Variants in CA10 observed in about 807,000 individuals in gnomAD.
CA10 encodes carbonic anhydrase 10 (inactive).
In CA10, 14 loss-of-function variants were observed where a neutral mutation model predicts 44.2. The observed-to-expected ratio is 0.32, with a 90% confidence interval of 0.21 to 0.50. CA10 has a LOEUF of 0.50. CA10 is among the 20% of genes least tolerant of loss of function. The pLI is 0.99. For missense variants in CA10, 350 were observed against 409.7 expected, an observed-to-expected ratio of 0.85 and a Z score of 1.26; for synonymous variants, 159 against 141.6, an observed-to-expected ratio of 1.12 and a Z score of -0.87.
chr17:52,021,485 T>C (rs1287637479), intron 2 of CA10, among the ~76,000 whole-genome samples: 1 of 152,102 alleles, frequency 6.6e-6, no homozygotes. Context: ...ATTTTTCTTT[T>C]TTTAATAGCC....
chr17:51,831,699 G>GCAT (rs1409883505), intron 3 of CA10, among the ~76,000 whole-genome samples: 4 of 66,208 alleles, frequency 6.0e-5, no homozygotes, highest in African/African-American at 3.0e-4. Context: ...AGCAGCAGCA[G>GCAT]CAGCAGCAGC....
chr17:51,798,063 A>G (rs1906784888), intron 3 of CA10, among the ~76,000 whole-genome samples: 1 of 152,180 alleles, frequency 6.6e-6, no homozygotes, highest in South Asian at 2.1e-4. Flanking sequence ...CTACGAGACT[A>G]GAAATAAATG....
At chr17:51,986,707 T>C (rs892947430) in intron 2 of CA10, among the ~76,000 whole-genome samples, 2 of 151,370 alleles carry the variant, frequency 1.3e-5, no homozygotes, top group African/African-American at 4.9e-5. Context: ...TGGACATGAG[T>C]AGACAATTCT....
chr17:51,830,213 A>AC (rs1185128904), intron 3 of CA10, among the ~76,000 whole-genome samples: 1 of 149,710 alleles, frequency 6.7e-6, no homozygotes. Context: ...AAAAAAAAAA[A>AC]AAAGAAAAAG....
chr17:52,030,279 A>T (rs1364156293), intron 2 of CA10, among the ~76,000 whole-genome samples: 1 of 152,240 alleles, frequency 6.6e-6, no homozygotes, highest in Non-Finnish European at 1.5e-5. Flanking sequence ...TTTAAAGATC[A>T]TGCCGTAGGG....
chr17:51,892,486 G>T (rs1229481828), intron 3 of CA10, among the ~76,000 whole-genome samples: 1 of 152,180 alleles, frequency 6.6e-6, no homozygotes, highest in Non-Finnish European at 1.5e-5. Context: ...CATTTCTCTT[G>T]CCAATGGTGT....
At chr17:51,857,796 A>C (rs1451196566) in intron 3 of CA10, among the ~76,000 whole-genome samples, 1 of 152,142 alleles carries the variant, frequency 6.6e-6, no homozygotes, top group Non-Finnish European at 1.5e-5. Context: ...TGCTTTCATA[A>C]TTTTATGATT....
intron 2 of CA10, among the ~76,000 whole-genome samples, chr17:51,940,735 G>C (rs1269103314): frequency 6.6e-6 from 1 of 150,570 alleles, no homozygotes; most frequent in African/African-American, 2.4e-5. Context: ...AACTCAGGTT[G>C]TTCTGGCTCC....
At chr17:51,913,840 G>A (rs1406375820) in intron 3 of CA10, among the ~76,000 whole-genome samples, 3 of 152,124 alleles carry the variant, frequency 2.0e-5, no homozygotes, top group African/African-American at 7.2e-5. Context: ...CTTGGGAACT[G>A]AGGGTCACCC....
chr17:52,137,802 C>T (rs1301835122), intron 1 of CA10, among the ~76,000 whole-genome samples: 1 of 152,142 alleles, frequency 6.6e-6, no homozygotes. Context: ...TTTACCCAAC[C>T]TAGCTTTAGG....
At chr17:51,827,597 G>A (rs1467446474) in intron 3 of CA10, among the ~76,000 whole-genome samples, 1 of 152,168 alleles carries the variant, frequency 6.6e-6, no homozygotes, top group Non-Finnish European at 1.5e-5. Flanking sequence ...AGCATACACA[G>A]TGTCTATATA....
intron 1 of CA10, among the ~76,000 whole-genome samples, chr17:52,132,005 T>G (rs1221611287): frequency 6.6e-6 from 1 of 151,062 alleles, no homozygotes; most frequent in Non-Finnish European, 1.5e-5. Context: ...TTCTGGGGAC[T>G]GTTGTGGGGT....
chr17:52,052,986 T>C (rs1181393105), intron 2 of CA10, among the ~76,000 whole-genome samples: 1 of 151,704 alleles, frequency 6.6e-6, no homozygotes, highest in Non-Finnish European at 1.5e-5. Flanking sequence ...GGTGGCTTCC[T>C]ACTATGTGCC....
In CA10 at chr17:51,831,884, T is replaced by C. The variant is rs576859415; in HGVS notation, c.280-84066A>G. ...TTACAGGGGGCAAAGACATTCAGAT[T>C]CTACTATTAAGAAAGAAGGGAGGGA... On this transcript the variant is annotated intron_variant, in intron 3 of 8. Coordinates refer to ENST00000451037, the MANE Select transcript of CA10 (RefSeq NM_020178.5). Among the ~76,000 whole-genome samples, 3 of 152,196 alleles carry C rather than the reference T, an allele frequency of 2.0e-5. 1 individual carries two copies. Among genetic ancestry groups the C allele is most frequent in the South Asian group, 4.2e-4 (2 of 4,802 alleles).
intron 5 of CA10, 24 bp from the exon 6 acceptor site, chr17:51,649,278 A>C: frequency 6.6e-7 from 1 of 1,505,126 alleles, no homozygotes; most frequent in Non-Finnish European, 9.3e-7. Flanking sequence ...GAAAATATTA[A>C]TGACTGGGCA....
rs1030208160 is a variant in CA10, at chr17:52,026,224, G to C, written c.136+46095C>G. ...GAGTGACATGGGTTAGGGGCCCCATGCAGCTGAGGATTCTTCATCAAAGTG... is the reference window on the plus strand; with the variant it reads ...GAGTGACATGGGTTAGGGGCCCCATCCAGCTGAGGATTCTTCATCAAAGTG... On this transcript the variant is annotated intron_variant, in intron 2 of 8. Transcript: ENST00000451037. Among the ~76,000 whole-genome samples, 8 of 152,230 alleles carry C rather than the reference G, an allele frequency of 5.3e-5. No individual in the cohort carries two copies. In the South Asian group the frequency reaches 1.2e-3, roughly 24 times the overall value.
At chr17:51,848,078 A>C (rs1413227286) in intron 3 of CA10, among the ~76,000 whole-genome samples, 3 of 152,228 alleles carry the variant, frequency 2.0e-5, no homozygotes, top group African/African-American at 7.2e-5. Flanking sequence ...AGAGGTGCCA[A>C]AATCTCAGTG....
At chr17:51,969,073 A>C (rs1350000680) in intron 2 of CA10, among the ~76,000 whole-genome samples, 1 of 152,032 alleles carries the variant, frequency 6.6e-6, no homozygotes, top group Admixed American at 6.6e-5. Context: ...ACAAAAGCCC[A>C]CATATATTTG....
At chr17:52,033,052 C>T (rs75908385) in intron 2 of CA10, among the ~76,000 whole-genome samples, 1,655 of 152,204 alleles carry the variant, frequency 0.011, 24 homozygotes, top group African/African-American at 0.038. Context: ...ACTCCAACTA[C>T]AACATGGATT....
Sources: allele counts gnomAD v4.1 joint callset (sites outside exome capture counted in the v4.1 genomes callset), GRCh38; gene constraint gnomAD v4.1.1; transcripts MANE v1.5; gene names NCBI Gene and HGNC (gene_info 2026-07-23, HGNC 2026-07-21).